Variants in AGMO observed in about 807,000 individuals in gnomAD.
AGMO encodes glyceryl-ether monooxygenase.
A neutral mutation model predicts 60.2 loss-of-function variants in AGMO; 75 were observed. The ratio of observed to expected loss-of-function variants is 1.25; its 90% confidence interval spans 1.03 to 1.51. The LOEUF (loss-of-function observed/expected upper bound fraction) is 1.51, where lower values mean the gene tolerates loss of function less well. Among genes scored for constraint, AGMO ranks in the 40% most tolerant of loss-of-function variants. AGMO has a pLI of 0.00. For missense variants in AGMO, 763 were observed against 525.5 expected (o/e 1.45, Z -4.42); for synonymous variants, 261 against 177.1 (o/e 1.47, Z -3.76).
At chr7:15,284,139 C>G (rs1198565312) in intron 12 of AGMO, among the ~76,000 whole-genome samples, 5 of 151,938 alleles carry the variant, frequency 3.3e-5, no homozygotes, top group Admixed American at 6.6e-5. Flanking sequence ...TAAAAGATCA[C>G]AAATTGACAA....
chr7:15,339,641 A>G (rs778457147), intron 12 of AGMO, among the ~76,000 whole-genome samples: 4 of 152,310 alleles, frequency 2.6e-5, no homozygotes, highest in South Asian at 4.1e-4. Flanking sequence ...TAAATGTATT[A>G]AAGTTATATA....
At chr7:15,159,046 A>C in the AGMO span, among the ~76,000 whole-genome samples, 10 of 152,122 alleles carry the variant, frequency 6.6e-5, no homozygotes, top group African/African-American at 2.4e-4. Flanking sequence ...TTAGTTTCTC[A>C]TAATATATCA....
At chr7:15,206,827 T>A (rs558978401) in intron 12 of AGMO, among the ~76,000 whole-genome samples, 1 of 152,040 alleles carries the variant, frequency 6.6e-6, no homozygotes, top group East Asian at 1.9e-4. Flanking sequence ...AAAACAGAGT[T>A]TTCACTGCTC....
chr7:15,438,238 T>C (rs1194071494), intron 3 of AGMO, among the ~76,000 whole-genome samples: 3 of 151,676 alleles, frequency 2.0e-5, no homozygotes, highest in Non-Finnish European at 4.4e-5. Flanking sequence ...ATCTAAATTA[T>C]ATTGATAACA....
chr7:15,300,389 T>A (rs1784532551), intron 12 of AGMO, among the ~76,000 whole-genome samples: 1 of 152,168 alleles, frequency 6.6e-6, no homozygotes, highest in Non-Finnish European at 1.5e-5. Context: ...CAAAGCATAT[T>A]CTTAGGCATA....
At chr7:15,288,495 A>T (rs1213441312) in intron 12 of AGMO, among the ~76,000 whole-genome samples, 1 of 152,130 alleles carries the variant, frequency 6.6e-6, no homozygotes, top group Non-Finnish European at 1.5e-5. Context: ...TCCCTTAAGT[A>T]GGAAAGATGA....
chr7:15,121,780 C>A, the AGMO span, among the ~76,000 whole-genome samples: 1 of 152,064 alleles, frequency 6.6e-6, no homozygotes, highest in Admixed American at 6.6e-5. Context: ...ATGATCTGCT[C>A]TTCAACAAAC....
rs749599974 is a variant in AGMO at position 15,387,476 on chromosome 7, G to A, written c.887C>T (p.Ser296Phe). Residue 296 changes from serine (S) to phenylalanine (F), a missense_variant, in exon 9 of 13, where the codon TCT becomes TTT. Ser to Phe is a radical substitution (Grantham distance 155). Transcript: ENST00000342526. ...CCATCCCGGTCCCTTAAATATGACAGAAAACTTATTGAAGAATCCAGGTGT... is the reference window on the plus strand; with the variant it reads ...CCATCCCGGTCCCTTAAATATGACAAAAAACTTATTGAAGAATCCAGGTGT... ...WATPGFFNKF[S>F]VIFKGPGWGP... 6 of 1,613,910 alleles carry A rather than the reference G, an allele frequency of 3.7e-6. No individual in the cohort carries two copies. The highest frequency in any genetic ancestry group is 1.3e-5 in the African/African-American group (1 of 74,900).
intron 12 of AGMO, among the ~76,000 whole-genome samples, chr7:15,315,030 A>C (rs1008095803): frequency 1.3e-5 from 2 of 152,142 alleles, no homozygotes; most frequent in Non-Finnish European, 2.9e-5. Flanking sequence ...CCGCAAGAAA[A>C]ATGGGAACCT....
chr7:15,509,223 T>C (rs1455482494), intron 3 of AGMO, among the ~76,000 whole-genome samples: 3 of 152,086 alleles, frequency 2.0e-5, no homozygotes, highest in Non-Finnish European at 4.4e-5. Flanking sequence ...TATAAAACCA[T>C]ACACCCAAAC....
At chr7:15,513,166 G>T (rs1783720282) in intron 3 of AGMO, among the ~76,000 whole-genome samples, 1 of 152,054 alleles carries the variant, frequency 6.6e-6, no homozygotes, top group Non-Finnish European at 1.5e-5. Flanking sequence ...TTGTCTGTTT[G>T]TGTGCCTGAT....
chr7:15,483,035 G>C (rs771593768), intron 3 of AGMO, among the ~76,000 whole-genome samples: 4 of 151,968 alleles, frequency 2.6e-5, no homozygotes, highest in Non-Finnish European at 5.9e-5. Context: ...TTTACCAAAA[G>C]TACTAATAAG....
At chr7:15,455,152 CATT>C (rs1424222544) in intron 3 of AGMO, among the ~76,000 whole-genome samples, 1 of 150,938 alleles carries the variant, frequency 6.6e-6, no homozygotes, top group Non-Finnish European at 1.5e-5. Flanking sequence ...GTTATATTAT[CATT>C]ATTTTTGGTA....
At chr7:15,374,130 G>C (rs1783344500) in intron 10 of AGMO, among the ~76,000 whole-genome samples, 1 of 151,766 alleles carries the variant, frequency 6.6e-6, no homozygotes, top group Non-Finnish European at 1.5e-5. Context: ...AGAATCCAAT[G>C]TGACACCATA....
Position 15,560,248 on chromosome 7 carries a change from C to G in AGMO, c.150G>C (p.Leu50Phe). The part of the protein sequence containing the change: ...VKKATPFFIS[L>F]MLLELVVSWI... ...AGCTGACAACAAGTTCAAGCAGCAT[C>G]AAAGAAATGAAAAATGGAGTTGCCT... Residue 50 changes from leucine (L) to phenylalanine (F), a missense_variant, in exon 2 of 13, where the codon TTG (leucine) becomes TTC (phenylalanine). Coordinates refer to ENST00000342526, the MANE Select transcript of AGMO (RefSeq NM_001004320.2). The G allele has an allele frequency of 6.2e-7, 1 of 1,611,936 alleles. No individual in the cohort carries two copies. Among genetic ancestry groups the G allele is most frequent in the African/African-American group, 1.3e-5 (1 of 74,842 alleles).
At chr7:15,187,892 G>C in the AGMO span, among the ~76,000 whole-genome samples, 2 of 88,504 alleles carry the variant, frequency 2.3e-5, no homozygotes, top group Admixed American at 2.5e-4. Flanking sequence ...TCGTGACAAG[G>C]ATTAACTCCC....
chr7:15,364,466 T>C (rs1286805218), intron 12 of AGMO, among the ~76,000 whole-genome samples: 1 of 152,080 alleles, frequency 6.6e-6, no homozygotes, highest in Non-Finnish European at 1.5e-5. Context: ...GTTATTATTA[T>C]AGATGCATAT....
At chr7:15,504,818 G>C (rs1363358864) in intron 3 of AGMO, among the ~76,000 whole-genome samples, 1 of 150,364 alleles carries the variant, frequency 6.7e-6, no homozygotes, top group Non-Finnish European at 1.5e-5. Context: ...ATCCTGTCAT[G>C]AGTCCTAGAA....
intron 12 of AGMO, among the ~76,000 whole-genome samples, chr7:15,296,517 A>C (rs892976080): frequency 4.6e-5 from 7 of 152,266 alleles, no homozygotes; most frequent in African/African-American, 7.2e-5. Flanking sequence ...CCTTTCCAAG[A>C]GAAGACAGCC....
Sources: gnomAD v4.1 joint callset for allele counts (sites outside exome capture counted in the v4.1 genomes callset) on GRCh38, gnomAD v4.1.1 for gene constraint, MANE v1.5 for transcripts, NCBI Gene and HGNC (gene_info 2026-07-23, HGNC 2026-07-21) for gene names.